Variants in C3orf20 observed in about 807,000 individuals in gnomAD.
The protein encoded by C3orf20 is family with sequence similarity 149 member C.
In C3orf20, 76 loss-of-function variants were observed where a neutral mutation model predicts 88.3. The ratio of observed to expected loss-of-function variants is 0.86; its 90% CI spans 0.72 to 1.04. C3orf20 has a LOEUF of 1.04. Among genes scored for constraint, C3orf20 ranks in the 50% least tolerant of loss-of-function variants. C3orf20 has a pLI of 0.00. For missense variants in C3orf20, 1,056 were observed against 1,123.3 expected, an observed-to-expected ratio of 0.94 and a Z score of 0.86; for synonymous variants, 436 against 437.4, an observed-to-expected ratio of 1.00 and a Z score of 0.04.
chr3:14,742,040 GGTCTGGT>G (rs1157124325), intron 12 of C3orf20, among the ~76,000 whole-genome samples: 1 of 152,152 alleles, frequency 6.6e-6, no homozygotes, highest in Non-Finnish European at 1.5e-5. Context: ...TCCTCAGTTT[GGTCTGGT>G]GTCTGACTTA....
intron 5 of C3orf20, among the ~76,000 whole-genome samples, chr3:14,697,708 A>AG (rs2033069773): frequency 8.4e-5 from 1 of 11,860 alleles, no homozygotes; most frequent in African/African-American, 3.2e-4. Context: ...CCCAGCCCCC[A>AG]ACCCCCCTGC....
At chr3:14,770,900 G>A (rs1559452934) in intron 15 of C3orf20, among the ~76,000 whole-genome samples, 2 of 152,330 alleles carry the variant, frequency 1.3e-5, no homozygotes, top group East Asian at 3.9e-4. Flanking sequence ...GAAACATCCC[G>A]TAACTCAGAA....
At position 14,728,420 on chromosome 3, in the gene C3orf20, C is replaced by T. The variant is rs541067154; in HGVS notation, c.1691-19C>T. On this transcript the variant is annotated intron_variant, in intron 11 of 16. Transcript: ENST00000253697. ...CCTGGCCATGAAGGGAAAATGACAG[C>T]AGCATCTTCTGTTAACAGGTCTGTT... 10 of 1,612,824 alleles carry T rather than the reference C, an allele frequency of 6.2e-6. No individual in the cohort carries two copies. In the Admixed American group the frequency reaches 1.5e-4, roughly 24 times the overall value.
intron 5 of C3orf20, among the ~76,000 whole-genome samples, chr3:14,698,857 G>A (rs780486458): frequency 6.6e-5 from 10 of 152,186 alleles, no homozygotes; most frequent in Non-Finnish European, 1.2e-4. Context: ...CTTCCCTTTA[G>A]GGCAGACAGT....
At chr3:14,684,063 C>G (rs1003400434) in intron 3 of C3orf20, among the ~76,000 whole-genome samples, 179 bp from the exon 4 acceptor site, 4 of 152,044 alleles carry the variant, frequency 2.6e-5, no homozygotes, top group Admixed American at 2.6e-4. Context: ...GAGAGCAAAG[C>G]GACATCTGAA....
At position 14,703,271 on chromosome 3, in the gene C3orf20, C is replaced by A; in HGVS notation, c.878+9C>A. ...GAGTTGTGTCGCCACATGTGAGCAC[C>A]TCAGTGCTTGGGTCGGGGGAGTCAA... On this transcript the variant is annotated intron_variant, in intron 6 of 16. Coordinates refer to ENST00000253697, the MANE Select transcript of C3orf20 (RefSeq NM_032137.5). 1 of 1,614,032 alleles carries A rather than the reference C, an allele frequency of 6.2e-7. No individual in the cohort carries two copies. Among genetic ancestry groups the A allele is most frequent in the South Asian group, 1.1e-5 (1 of 91,084 alleles).
rs1213255144 is a variant in C3orf20, at chr3:14,703,258, C to T, written c.874C>T (p.His292Tyr). ...GGAGAAGCTGCAGGAGTTGTGTCGC[C>T]ACATGTGAGCACCTCAGTGCTTGGG... ...AREKLQELCR[H>Y]IEAERATWKG... The change falls in exon 6 of 17, where the codon CAC (histidine) becomes TAC (tyrosine). Residue 292 changes from histidine (H) to tyrosine (Y), a missense_variant. Transcript: ENST00000253697. The T allele has an allele frequency of 1.9e-6, 3 of 1,614,090 alleles. No individual in the cohort carries two copies.
chr3:14,749,403 G>T (rs925978930), intron 12 of C3orf20, among the ~76,000 whole-genome samples: 1 of 152,158 alleles, frequency 6.6e-6, no homozygotes, highest in Non-Finnish European at 1.5e-5. Context: ...TCAAACTCCT[G>T]GGCTCAAGAG....
At chr3:14,715,434 G>A (rs1219773176) in intron 9 of C3orf20, 25 bp downstream of exon 9, 1 of 1,601,914 alleles carries the variant, frequency 6.2e-7, no homozygotes, top group Admixed American at 1.7e-5. Flanking sequence ...CACAGGTTGG[G>A]TGGCAGTGAG....
rs187271012 is a variant in C3orf20, at chr3:14,738,782, A to C, written c.1940+10094A>C. On this transcript the variant is annotated intron_variant, in intron 12 of 16. Transcript: ENST00000253697. ...CAACCTCCTGAGTAGCTGGGATTAC[A>C]GGCATGCACCACCATGCCTGGCTAA... is the stretch of plus-strand genomic sequence containing the variant. Among the ~76,000 whole-genome samples the C allele has an allele frequency of 4.1e-3, 548 of 133,842 alleles. 2 individuals are homozygous for C. Among genetic ancestry groups the C allele is most frequent in the African/African-American group, 0.014 (515 of 36,304 alleles). 87.8% of individuals were successfully genotyped at this position (133,842 alleles called of 152,430 possible).
rs560020010 is a variant in C3orf20 at position 14,768,006 on chromosome 3, G to A, written c.2496-4061G>A. Reference sequence around the variant, plus strand: ...GAATGAGACCTGATAAAGACAGAGCGCTACAGAAACACCAATGTGAGCCTC... The same window carrying A: ...GAATGAGACCTGATAAAGACAGAGCACTACAGAAACACCAATGTGAGCCTC... On this transcript the variant is annotated intron_variant, in intron 15 of 16. Transcript: ENST00000253697. This position sits in a 1 kb window ranked among gnomAD's most constrained non-coding sequence, Gnocchi z 4.1. 6.6e-5 allele frequency among the ~76,000 whole-genome samples: 10 copies of A among 152,338 alleles called. No homozygotes were observed. The highest frequency in any genetic ancestry group is 1.7e-4 in the African/African-American group (7 of 41,582).
rs572403843 is a variant in C3orf20, at chr3:14,701,642, C to T, written c.746-1488C>T. 3.6e-4 allele frequency among the ~76,000 whole-genome samples: 55 copies of T among 152,336 alleles called. 1 individual carries two copies. Among genetic ancestry groups the T allele is most frequent in the Middle Eastern group, 3.4e-3 (1 of 294 alleles). On this transcript the variant is annotated intron_variant, in intron 5 of 16. Transcript: ENST00000253697. This position sits in a 1 kb window ranked among gnomAD's most constrained non-coding sequence, Gnocchi z 4.6. ...CTGCAGAGACTCAGATGACAGTGAT[C>T]TGTGCCTATGGCACTTGGGCTCCCT...
intron 3 of C3orf20, 127 bp from the exon 4 acceptor site, chr3:14,684,115 C>A: frequency 7.8e-7 from 1 of 1,289,650 alleles, no homozygotes; most frequent in Non-Finnish European, 1.1e-6. Flanking sequence ...AGCCCCCTCA[C>A]CCCTGCATAC....
chr3:14,693,030 G>A (rs548928055), intron 5 of C3orf20, among the ~76,000 whole-genome samples: 1 of 152,246 alleles, frequency 6.6e-6, no homozygotes, highest in African/African-American at 2.4e-5. Context: ...TGGGTTCATT[G>A]TAGACGTATA....
intron 12 of C3orf20, among the ~76,000 whole-genome samples, chr3:14,730,332 G>T (rs1306350845): frequency 6.6e-6 from 1 of 152,194 alleles, no homozygotes. Context: ...CAGATCACGA[G>T]GTTGGGAGAT....
intron 12 of C3orf20, among the ~76,000 whole-genome samples, chr3:14,732,274 A>G (rs1003783793): frequency 7.9e-5 from 12 of 152,210 alleles, no homozygotes; most frequent in African/African-American, 2.9e-4. Context: ...TGGCTTATTT[A>G]CCATTCATAT....
At chr3:14,759,041 A>G (rs1034480938) in intron 13 of C3orf20, among the ~76,000 whole-genome samples, 3 of 152,248 alleles carry the variant, frequency 2.0e-5, no homozygotes, top group Non-Finnish European at 4.4e-5. Context: ...TGGAGTGCTC[A>G]GGTGGCCAAG....
Position 14,764,507 on chromosome 3 carries a change from A to ATTATTATTGTTGTTG in C3orf20, c.2495+2894_2495+2895insATTATTGTTGTTGTT, listed in dbSNP as rs1286567408. 4.7e-4 allele frequency among the ~76,000 whole-genome samples: 63 copies of ATTATTATTGTTGTTG among 132,838 alleles called. 1 individual carries two copies. The highest frequency in any genetic ancestry group is 1.9e-3 in the African/African-American group (63 of 32,784). 87.1% of individuals were successfully genotyped at this position (132,838 alleles called of 152,430 possible). ...TATTATTATTATTATTATTATTATTATTGTTGTTGTTGTTGTTGTTGTTGT... is the reference window on the plus strand; with the variant it reads ...TATTATTATTATTATTATTATTATTATTATTATTGTTGTTGTTGTTGTTGTTGTTGTTGTTGTTGT... On this transcript the variant is annotated intron_variant, in intron 15 of 16. Coordinates refer to ENST00000253697, the MANE Select transcript of C3orf20 (RefSeq NM_032137.5).
chr3:14,762,415 C>T (rs2035588757), intron 15 of C3orf20, among the ~76,000 whole-genome samples: 1 of 152,216 alleles, frequency 6.6e-6, no homozygotes, highest in Non-Finnish European at 1.5e-5. Flanking sequence ...AGGAAGGAGC[C>T]TGCGCTGCAT....
Sources: gnomAD v4.1 joint callset for allele counts (sites outside exome capture counted in the v4.1 genomes callset) on GRCh38, gnomAD v4.1.1 for gene constraint, Gnocchi (gnomAD v3.1) non-coding constraint, MANE v1.5 for transcripts, NCBI Gene and HGNC (gene_info 2026-07-23, HGNC 2026-07-21) for gene names.